AGMO: variants seen among roughly 807,000 people sequenced by gnomAD.
The protein encoded by AGMO is glyceryl-ether monooxygenase.
AGMO carries 75 observed loss-of-function variants against 60.2 expected under a neutral mutation model. The ratio of observed to expected loss-of-function variants is 1.25; its 90% CI spans 1.03 to 1.51. AGMO has a LOEUF of 1.51. Among genes scored for constraint, AGMO ranks in the 40% most tolerant of loss-of-function variants. The pLI, the probability that AGMO is intolerant of heterozygous loss-of-function variation, is 0.00. For missense variants in AGMO, 763 were observed against 525.5 expected (o/e 1.45, Z -4.42); for synonymous variants, 261 against 177.1 (o/e 1.47, Z -3.76).
intron 12 of AGMO, among the ~76,000 whole-genome samples, chr7:15,247,414 TCACACACACACA>T (rs71525649): frequency 3.2e-4 from 40 of 123,730 alleles, no homozygotes; most frequent in East Asian, 7.3e-4. Flanking sequence ...CTTGGAGATT[TCACACACACACA>T]CACACACACA....
the AGMO span, among the ~76,000 whole-genome samples, chr7:15,125,703 C>T: frequency 2.6e-5 from 4 of 151,864 alleles, no homozygotes; most frequent in Non-Finnish European, 5.9e-5. Context: ...CTTAAAGAAT[C>T]AAGAAAGAAG....
At chr7:15,387,361 T>C (rs947734575) in intron 9 of AGMO, 45 bp downstream of exon 9, 3 of 1,598,036 alleles carry the variant, frequency 1.9e-6, no homozygotes, top group East Asian at 2.2e-5. Flanking sequence ...GACCTGACAA[T>C]ATGAGACAAT....
At chr7:15,141,559 C>A in the AGMO span, among the ~76,000 whole-genome samples, 1 of 152,114 alleles carries the variant, frequency 6.6e-6, no homozygotes, top group African/African-American at 2.4e-5. Flanking sequence ...GTCCTCCAGC[C>A]TGGGTGACAG....
chr7:15,147,254 C>A, the AGMO span, among the ~76,000 whole-genome samples: 1 of 151,962 alleles, frequency 6.6e-6, no homozygotes, highest in East Asian at 1.9e-4. Flanking sequence ...TCTGTTCTCA[C>A]GCTGCTAATA....
At chr7:15,427,383 A>G (rs1276036955) in intron 4 of AGMO, among the ~76,000 whole-genome samples, 1 of 152,166 alleles carries the variant, frequency 6.6e-6, no homozygotes, top group Non-Finnish European at 1.5e-5. Context: ...TTGCTAACAC[A>G]TTGTTATGCT....
At chr7:15,548,302 C>A (rs1357264307) in intron 2 of AGMO, among the ~76,000 whole-genome samples, 1 of 151,992 alleles carries the variant, frequency 6.6e-6, no homozygotes, top group East Asian at 1.9e-4. Context: ...AGCAACGGAA[C>A]AAAGCTGGAT....
chr7:15,552,763 C>T (rs1337961875), intron 2 of AGMO, among the ~76,000 whole-genome samples: 3 of 149,818 alleles, frequency 2.0e-5, no homozygotes, highest in Admixed American at 1.3e-4. Flanking sequence ...GTCAGTGTGG[C>T]GATTCTTCAG....
At chr7:15,338,694 A>G (rs1005636314) in intron 12 of AGMO, among the ~76,000 whole-genome samples, 1 of 152,192 alleles carries the variant, frequency 6.6e-6, no homozygotes, top group Non-Finnish European at 1.5e-5. Flanking sequence ...ATATACAGCT[A>G]GTTGAATTTA....
chr7:15,159,866 T>C, the AGMO span, among the ~76,000 whole-genome samples: 2 of 152,172 alleles, frequency 1.3e-5, no homozygotes, highest in African/African-American at 2.4e-5. Context: ...TTGTGTGGTC[T>C]CTTCTTATGA....
At chr7:15,125,090 C>G in the AGMO span, among the ~76,000 whole-genome samples, 1 of 152,120 alleles carries the variant, frequency 6.6e-6, no homozygotes, top group African/African-American at 2.4e-5. Context: ...CTAGGAACCA[C>G]CTACTGGGAG....
At chr7:15,347,446 AAGTT>A (rs754881193) in intron 12 of AGMO, among the ~76,000 whole-genome samples, 22 of 152,204 alleles carry the variant, frequency 1.4e-4, no homozygotes, top group South Asian at 6.2e-4. Flanking sequence ...CCATGATAGA[AAGTT>A]AGTTATTTAC....
Position 15,368,680 on chromosome 7 carries a change from G to A in AGMO, c.1075-2458C>T, listed in dbSNP as rs377153863. On this transcript the variant is annotated intron_variant, in intron 10 of 12. Coordinates refer to ENST00000342526, the MANE Select transcript of AGMO (RefSeq NM_001004320.2). Reference sequence around the variant, plus strand: ...AGTATTATTGTTACTATGTTCAGGAGCTTAGGCTAATCTTAATTACAATAA... The same window carrying A: ...AGTATTATTGTTACTATGTTCAGGAACTTAGGCTAATCTTAATTACAATAA... Among the ~76,000 whole-genome samples the A allele has an allele frequency of 3.3e-4, 50 of 152,204 alleles. No homozygotes were observed. In the East Asian group the frequency reaches 9.1e-3, roughly 28 times the overall value.
chr7:15,332,290 A>G (rs1380811235), intron 12 of AGMO, among the ~76,000 whole-genome samples: 1 of 152,106 alleles, frequency 6.6e-6, no homozygotes, highest in Non-Finnish European at 1.5e-5. Context: ...CCCTGTTGTT[A>G]GCCTACTCTG....
At chr7:15,351,785 G>C (rs1011982015) in intron 12 of AGMO, among the ~76,000 whole-genome samples, 3 of 152,134 alleles carry the variant, frequency 2.0e-5, no homozygotes, top group Non-Finnish European at 2.9e-5. Context: ...TATACGGCTA[G>C]AGATAAAAAC....
intron 3 of AGMO, among the ~76,000 whole-genome samples, chr7:15,527,949 A>G (rs1402210289): frequency 1.3e-5 from 2 of 152,206 alleles, no homozygotes. Context: ...GAATTCTTTC[A>G]AAGTATTACT....
intron 5 of AGMO, among the ~76,000 whole-genome samples, chr7:15,415,151 C>G (rs1780727282): frequency 1.3e-5 from 2 of 151,874 alleles, no homozygotes; most frequent in Admixed American, 6.6e-5. Flanking sequence ...GAAAAGTCAT[C>G]AGTGGTGCAA....
chr7:15,349,714 G>C (rs567357967), intron 12 of AGMO, among the ~76,000 whole-genome samples: 109 of 152,246 alleles, frequency 7.2e-4, no homozygotes, highest in African/African-American at 2.5e-3. Context: ...TGGCTGTGGA[G>C]GCCTCAGGAA....
the AGMO span, among the ~76,000 whole-genome samples, chr7:15,184,295 G>A: frequency 7.2e-5 from 4 of 55,792 alleles, no homozygotes; most frequent in East Asian, 1.3e-3. Flanking sequence ...GGAAGGAAGG[G>A]AGGCAGGCAG....
intron 8 of AGMO, 78 bp downstream of exon 8, chr7:15,390,593 C>G: frequency 8.4e-7 from 1 of 1,189,396 alleles, no homozygotes; most frequent in Non-Finnish European, 1.2e-6. Flanking sequence ...TTTCACTTTT[C>G]TACAGCTGAT....
Sources: allele counts gnomAD v4.1 joint callset (sites outside exome capture counted in the v4.1 genomes callset), GRCh38; gene constraint gnomAD v4.1.1; transcripts MANE v1.5; gene names NCBI Gene and HGNC (gene_info 2026-07-23, HGNC 2026-07-21).